RTEL1: variants seen among roughly 807,000 people sequenced by gnomAD.
The protein encoded by RTEL1 is regulator of telomere length.
Under a neutral mutation model 162.2 loss-of-function variants are expected in RTEL1, and 86 were observed. The ratio of observed to expected loss-of-function variants is 0.53; its 90% CI spans 0.45 to 0.63. The LOEUF (loss-of-function observed/expected upper bound fraction) is 0.63, where lower values mean the gene tolerates loss of function less well. RTEL1 is among the 30% of genes least tolerant of loss of function. RTEL1 has a pLI of 0.00. For synonymous variants in RTEL1, 958 were observed against 717.9 expected (o/e 1.33, Z -5.35); for missense variants, 1,941 against 1,750.2 (o/e 1.11, Z -1.95).
rs2090882346 is a variant in RTEL1 at position 63,693,732 on chromosome 20, T to TCCTCCACCTCCA, written c.2992+451_2992+452insTCCACCTCCACC. ...CACCACCACCACCTGCACCACCACC[T>TCCTCCACCTCCA]CCACCTCCACCACCACCACCACCTC... is the stretch of plus-strand genomic sequence containing the variant. On this transcript the variant is annotated intron_variant, in intron 30 of 34. Transcript: ENST00000360203. Among the ~76,000 whole-genome samples the TCCTCCACCTCCA allele has an allele frequency of 3.7e-3, 4 of 1,074 alleles. 1 individual carries two copies. Among genetic ancestry groups the TCCTCCACCTCCA allele is most frequent in the Non-Finnish European group, 7.0e-3 (4 of 570 alleles). The allele number at this position is 1,074 out of a possible 152,430, so 0.7% of individuals were successfully genotyped here.
intron 28 of RTEL1, chr20:63,692,568 C>T (rs890404390): frequency 4.3e-5 from 25 of 580,632 alleles, no homozygotes; most frequent in Non-Finnish European, 7.4e-5. Flanking sequence ...TTTGCCCATT[C>T]ACTGCTCTCA....
chr20:63,693,453 A>AG, intron 30 of RTEL1, among the ~76,000 whole-genome samples, 170 bp downstream of exon 30: 1 of 37,036 alleles, frequency 2.7e-5, no homozygotes, highest in Non-Finnish European at 5.0e-5. Flanking sequence ...CAGCAGCACC[A>AG]CCTCCACCTC....
chr20:63,689,533 AT>A lies in RTEL1; in HGVS notation c.1911del (p.Asn637LysfsTer5). Reference protein sequence around the residue: ...ASEGLDFSDTNGRGVIVTGLP... With the variant: ...ASEGLDFSDTXGRGVIVTGLP... ...GAGGGGCTGGACTTCTCAGACACGA[AT>A]GGCCGTGGTGTGATTGTCACGGGCC... On this transcript the variant is annotated frameshift_variant, in exon 23 of 35. Coordinates refer to ENST00000360203, the MANE Select transcript of RTEL1 (RefSeq NM_001283009.2). LOFTEE classifies it high-confidence loss of function. 6.2e-7 allele frequency: 1 copy of A among 1,609,902 alleles called. No homozygotes were observed. Among genetic ancestry groups the A allele is most frequent in the Non-Finnish European group, 8.5e-7 (1 of 1,178,914 alleles).
At chr20:63,672,965 GTC>G (rs1425834157) in intron 9 of RTEL1, among the ~76,000 whole-genome samples, 2 of 152,234 alleles carry the variant, frequency 1.3e-5, no homozygotes, top group Non-Finnish European at 2.9e-5. Flanking sequence ...TGCCTGCAGT[GTC>G]TCTGCCCTTC....
intron 8 of RTEL1, 46 bp downstream of exon 8, chr20:63,667,599 G>C: frequency 6.8e-7 from 1 of 1,466,556 alleles, no homozygotes; most frequent in Non-Finnish European, 9.6e-7. Flanking sequence ...GTCCAGGGGT[G>C]TCCCTGGGCT....
At chr20:63,692,678 C>G (rs1440889249) in intron 28 of RTEL1, 127 bp from the exon 29 acceptor site, 2 of 913,600 alleles carry the variant, frequency 2.2e-6, no homozygotes, top group Non-Finnish European at 3.3e-6. Flanking sequence ...GCCAGTTTCT[C>G]AGGCAGCAGC....
chr20:63,659,607 C>A, intron 2 of RTEL1, 103 bp downstream of exon 2: 1 of 843,102 alleles, frequency 1.2e-6, no homozygotes, highest in Non-Finnish European at 2.0e-6. Context: ...CCCCTCCGGG[C>A]CAGAGGCAGC....
chr20:63,669,579 A>G (rs966722361), intron 8 of RTEL1, among the ~76,000 whole-genome samples: 2 of 152,266 alleles, frequency 1.3e-5, no homozygotes, highest in Non-Finnish European at 2.9e-5. Context: ...AGAGTATGTA[A>G]AATTCTCCCA....
At chr20:63,675,468 A>G (rs2090330417) in intron 10 of RTEL1, among the ~76,000 whole-genome samples, 1 of 151,788 alleles carries the variant, frequency 6.6e-6, no homozygotes, top group Non-Finnish European at 1.5e-5. Context: ...TGTTTAGTAC[A>G]GAAGTTATCA....
chr20:63,680,695 G>A lies in RTEL1; in HGVS notation c.1167G>A (p.Leu389=), dbSNP rs1268152714. Residue 389 remains leucine, a synonymous_variant, in exon 14 of 35, where the codon CTG becomes CTA. Transcript: ENST00000360203. ...GAGTGTTCACCAACACGGCCGGACT[G>A]CAGAAGCTGGCGGACATTATCCAGG... is the stretch of plus-strand genomic sequence containing the variant. The part of the protein sequence containing the change: ...RAGVFTNTAG[L]QKLADIIQIV... 6.2e-7 allele frequency: 1 copy of A among 1,613,358 alleles called. No homozygotes were observed. The highest frequency in any genetic ancestry group is 1.1e-5 in the South Asian group (1 of 91,086).
Position 63,691,431 on chromosome 20 carries a change from C to T in RTEL1, c.2557-311C>T, listed in dbSNP as rs571538097. Among the ~76,000 whole-genome samples the T allele has an allele frequency of 8.1e-4, 124 of 152,294 alleles. No individual in the cohort carries two copies. The South Asian group carries it at 0.013, about 16-fold the overall frequency. On this transcript the variant is annotated intron_variant, in intron 27 of 34. Transcript: ENST00000360203. ...TTCCTGCCCATCCCTGCCCTTCAGG[C>T]CCCTGGAGTGAGCTCCAGGTGCAGG...
At chr20:63,678,068 G>A (rs6089957) in intron 10 of RTEL1, 77 bp from the exon 11 acceptor site, 1 of 1,554,062 alleles carries the variant, frequency 6.4e-7, no homozygotes, top group African/African-American at 1.4e-5. Context: ...TTCCATGCCA[G>A]GAATCCTGGT....
At chr20:63,688,972 A>G in intron 21 of RTEL1, 83 bp from the exon 22 acceptor site, 1 of 1,210,870 alleles carries the variant, frequency 8.3e-7, no homozygotes, top group East Asian at 2.3e-5. Flanking sequence ...TTCATCTTGG[A>G]GCATGAGACC....
rs1170676373 is a variant in RTEL1 at position 63,661,476 on chromosome 20, C to T, written c.281C>T (p.Ala94Val). 6.2e-7 allele frequency: 1 copy of T among 1,612,000 alleles called. No individual in the cohort carries two copies. The highest frequency in any genetic ancestry group is 1.3e-5 in the African/African-American group (1 of 75,034). The change falls in exon 3 of 35, where the codon GCT becomes GTT. Residue 94 changes from alanine (A) to valine (V), a missense_variant. Physicochemically the swap from Ala to Val is moderately conservative, Grantham distance 64. Transcript: ENST00000360203. The surrounding 1 kb of genome is among the most constrained non-coding windows in gnomAD (Gnocchi z 5.1). ...RALSSWGNAAAAAGDPIACYT... is the reference protein window; with the variant it reads ...RALSSWGNAAVAAGDPIACYT... ...TTGTCATCCTGGGGCAACGCTGCTG[C>T]TGCTGCTGGAGACCCCATAGGTGAC... is the stretch of plus-strand genomic sequence containing the variant.
Position 63,696,092 on chromosome 20 carries a change from G to A in RTEL1, c.*234G>A, listed in dbSNP as rs2090973266. ...GTCTGGGGTGGGTTTCTGGGAAAGT[G>A]CTTCCCCAGAACTTCCCTGGCTCCT... On this transcript the variant is annotated 3_prime_UTR_variant, in exon 35 of 35. Transcript: ENST00000360203. 9 of 554,730 alleles carry A rather than the reference G, an allele frequency of 1.6e-5. No individual in the cohort carries two copies. In the Admixed American group the frequency reaches 2.3e-4, roughly 14 times the overall value. The allele number at this position is 554,730 out of a possible 1,614,324, so 34.4% of individuals were successfully genotyped here. A position where few individuals can be genotyped will look rare whatever the true frequency, so the allele number is the denominator to read the frequency against.
intron 10 of RTEL1, among the ~76,000 whole-genome samples, chr20:63,675,541 T>G (rs2090332102): frequency 6.6e-6 from 1 of 152,144 alleles, no homozygotes; most frequent in African/African-American, 2.4e-5. Flanking sequence ...AGTGACAGGG[T>G]CTCACTCTGT....
At chr20:63,692,059 C>T (rs2090760095) in intron 28 of RTEL1, 1 of 521,814 alleles carries the variant, frequency 1.9e-6, no homozygotes, top group South Asian at 2.1e-5. Context: ...CACCCTTGGG[C>T]AGGTTTGGCA....
chr20:63,690,349 T>A lies in RTEL1; in HGVS notation c.2321T>A (p.Val774Asp). The change falls in exon 26 of 35, where the codon GTC (valine) becomes GAC (aspartate). Residue 774 changes from valine (V) to aspartate (D), a missense_variant. Val to Asp is a radical substitution (Grantham distance 152). Coordinates refer to ENST00000360203, the MANE Select transcript of RTEL1 (RefSeq NM_001283009.2). ...CCCAGTGTGCGTGGAGAAGATGCTGTCAGCGAGGCCAAGTCGCCTGGCCCC... is the reference window on the plus strand; with the variant it reads ...CCCAGTGTGCGTGGAGAAGATGCTGACAGCGAGGCCAAGTCGCCTGGCCCC... ...TAPSVRGEDA[V>D]SEAKSPGPFF... 6.2e-7 allele frequency: 1 copy of A among 1,611,766 alleles called. No individual in the cohort carries two copies. The highest frequency in any genetic ancestry group is 8.5e-7 in the Non-Finnish European group (1 of 1,179,404).
rs1163226089 is a variant in RTEL1, at chr20:63,662,542, C to T, written c.396-4C>T. 6.2e-7 allele frequency: 1 copy of T among 1,614,036 alleles called. No individual in the cohort carries two copies. The highest frequency in any genetic ancestry group is 8.5e-7 in the Non-Finnish European group (1 of 1,180,016). On this transcript the variant is annotated splice_polypyrimidine_tract_variant and splice_region_variant and intron_variant, in intron 4 of 34. Coordinates refer to ENST00000360203, the MANE Select transcript of RTEL1 (RefSeq NM_001283009.2). ...CCTCGACCCACGGTGCTCTCTCCCA[C>T]CAGGCCTAAGGTGTGTGTGCTGGGC...
Sources: gnomAD v4.1 joint callset for allele counts (sites outside exome capture counted in the v4.1 genomes callset) on GRCh38, gnomAD v4.1.1 for gene constraint, Gnocchi (gnomAD v3.1) non-coding constraint, MANE v1.5 for transcripts, NCBI Gene and HGNC (gene_info 2026-07-23, HGNC 2026-07-21) for gene names.